Variants in CCSER1 observed in about 807,000 individuals in gnomAD.
CCSER1 encodes the protein serine-rich coiled-coil domain-containing protein 1.
In CCSER1, 41 loss-of-function variants were observed where a neutral mutation model predicts 82.0. The ratio of observed to expected loss-of-function variants is 0.50; its 90% confidence interval spans 0.39 to 0.65. The LOEUF is 0.65. Among genes scored for constraint, CCSER1 ranks in the 30% least tolerant of loss-of-function variants. The pLI is 0.00. For missense variants in CCSER1, 1,119 were observed against 1,064.2 expected (o/e 1.05, Z -0.72); for synonymous variants, 414 against 383.9 (o/e 1.08, Z -0.92).
chr4:91,538,644 A>T (rs1175750565), intron 10 of CCSER1, among the ~76,000 whole-genome samples: 1 of 119,128 alleles, frequency 8.4e-6, no homozygotes, highest in African/African-American at 3.1e-5. Flanking sequence ...ATCCCTATAC[A>T]AACATAAATT....
intron 5 of CCSER1, among the ~76,000 whole-genome samples, chr4:90,610,680 C>T (rs909301595): frequency 1.8e-4 from 27 of 152,076 alleles, no homozygotes; most frequent in African/African-American, 3.6e-4. Flanking sequence ...CAATAAACTT[C>T]ATGTTAGTAT....
chr4:90,903,175 C>G (rs780374110), intron 8 of CCSER1, among the ~76,000 whole-genome samples: 5 of 152,034 alleles, frequency 3.3e-5, no homozygotes, highest in Non-Finnish European at 7.4e-5. Context: ...CTCCAAATCT[C>G]AACTTGAATT....
intron 9 of CCSER1, among the ~76,000 whole-genome samples, chr4:90,995,080 A>C (rs954909858): frequency 1.3e-5 from 2 of 152,180 alleles, no homozygotes; most frequent in Non-Finnish European, 2.9e-5. Context: ...ACAAACATGC[A>C]TTCTCCAAAC....
intron 10 of CCSER1, among the ~76,000 whole-genome samples, chr4:91,277,660 A>AT (rs1742588959): frequency 6.9e-6 from 1 of 144,036 alleles, no homozygotes; most frequent in Non-Finnish European, 1.5e-5. Flanking sequence ...CTTTATATAT[A>AT]TTTTTTGAGT....
Position 90,780,699 on chromosome 4 carries a change from C to T in CCSER1, c.2011-35063C>T, listed in dbSNP as rs755128277. The T allele has an allele frequency of 7.5e-5, 98 of 1,315,204 alleles. 1 individual carries two copies. Among genetic ancestry groups the T allele is most frequent in the Middle Eastern group, 5.6e-4 (2 of 3,586 alleles). The allele number at this position is 1,315,204 out of a possible 1,614,324, so 81.5% of individuals were successfully genotyped here. ...AAGGAGGCTCTGTAAGCAAGACAAA[C>T]GGTCAGGAGGCCTCCTTGCTCCAAG... On this transcript the variant is annotated intron_variant, in intron 7 of 10. Transcript: ENST00000509176.
chr4:91,180,538 G>A (rs1037138077), intron 10 of CCSER1, among the ~76,000 whole-genome samples: 4 of 152,222 alleles, frequency 2.6e-5, no homozygotes, highest in African/African-American at 9.6e-5. Flanking sequence ...CCTGGCTGCT[G>A]CCTTGCAGTT....
chr4:90,210,292 T>C (rs1166673897), intron 1 of CCSER1, among the ~76,000 whole-genome samples: 1 of 152,208 alleles, frequency 6.6e-6, no homozygotes, highest in Non-Finnish European at 1.5e-5. Flanking sequence ...TTGAAAAATC[T>C]ACACAAAAAT....
intron 7 of CCSER1, among the ~76,000 whole-genome samples, chr4:90,739,897 CTT>C (rs936344064): frequency 2.6e-5 from 4 of 152,282 alleles, no homozygotes; most frequent in Middle Eastern, 3.4e-3. Context: ...TTCAGTGCCT[CTT>C]TACTCGATAT....
chr4:91,188,453 A>C (rs1465885238), intron 10 of CCSER1, among the ~76,000 whole-genome samples: 1 of 152,216 alleles, frequency 6.6e-6, no homozygotes, highest in Non-Finnish European at 1.5e-5. Context: ...CAAAGCTGTA[A>C]GATCTTGTTT....
chr4:91,532,054 A>T (rs1761059639), intron 10 of CCSER1, among the ~76,000 whole-genome samples: 1 of 152,180 alleles, frequency 6.6e-6, no homozygotes, highest in Non-Finnish European at 1.5e-5. Context: ...GTTTCTTGTC[A>T]CTATGCTATA....
intron 8 of CCSER1, among the ~76,000 whole-genome samples, chr4:90,911,940 C>T (rs1726452986): frequency 6.6e-6 from 1 of 152,174 alleles, no homozygotes; most frequent in Non-Finnish European, 1.5e-5. Context: ...GGAGGGGCGC[C>T]CGCCATTGCT....
At chr4:90,760,966 G>A (rs924824407) in intron 7 of CCSER1, among the ~76,000 whole-genome samples, 5 of 152,156 alleles carry the variant, frequency 3.3e-5, no homozygotes, top group Admixed American at 1.3e-4. Flanking sequence ...GAATCAGAAA[G>A]CCCTCCTGAG....
chr4:91,494,725 T>A (rs896806794), intron 10 of CCSER1, among the ~76,000 whole-genome samples: 6 of 151,758 alleles, frequency 4.0e-5, no homozygotes, highest in African/African-American at 1.4e-4. Context: ...ATTCATTTCA[T>A]TTTTTTCAAA....
intron 6 of CCSER1, among the ~76,000 whole-genome samples, chr4:90,685,129 A>C (rs2149200456): frequency 6.6e-6 from 1 of 152,220 alleles, no homozygotes; most frequent in East Asian, 1.9e-4. Context: ...GGTAGTCCTG[A>C]GTTAGAATGA....
At chr4:91,193,772 TTGCTTATA>T (rs952226996) in intron 10 of CCSER1, among the ~76,000 whole-genome samples, 1 of 152,144 alleles carries the variant, frequency 6.6e-6, no homozygotes, top group Non-Finnish European at 1.5e-5. Flanking sequence ...TGAATGCCCA[TTGCTTATA>T]TGTCTTTACT....
At chr4:91,186,095 C>G in intron 10 of CCSER1, among the ~76,000 whole-genome samples, 2 of 152,274 alleles carry the variant, frequency 1.3e-5, no homozygotes, top group South Asian at 4.1e-4. Flanking sequence ...TAAGAGCGAT[C>G]GCTCGAGGCG....
At chr4:90,780,252 C>G (rs950797922) in intron 7 of CCSER1, among the ~76,000 whole-genome samples, 3 of 152,086 alleles carry the variant, frequency 2.0e-5, no homozygotes, top group Non-Finnish European at 4.4e-5. Flanking sequence ...CTTGTATGCT[C>G]TTGTTTTCCA....
intron 10 of CCSER1, among the ~76,000 whole-genome samples, chr4:91,396,557 T>C (rs1751990972): frequency 6.6e-6 from 1 of 152,112 alleles, no homozygotes; most frequent in Non-Finnish European, 1.5e-5. Flanking sequence ...GTCTTAGCAA[T>C]GTATTATTCA....
At chr4:90,600,249 G>T (rs1244749890) in intron 5 of CCSER1, among the ~76,000 whole-genome samples, 1 of 152,084 alleles carries the variant, frequency 6.6e-6, no homozygotes, top group Non-Finnish European at 1.5e-5. Context: ...GTCAGGACAG[G>T]TTTAAATATT....
Sources: allele counts gnomAD v4.1 joint callset (sites outside exome capture counted in the v4.1 genomes callset), GRCh38; gene constraint gnomAD v4.1.1; transcripts MANE v1.5; gene names NCBI Gene and HGNC (gene_info 2026-07-23, HGNC 2026-07-21).